The following ZNF512 variants were observed in gnomAD, a reference collection of about 807,000 sequenced individuals.
ZNF512 encodes the protein zinc finger protein 512.
A neutral mutation model predicts 77.5 loss-of-function variants in ZNF512; 25 were observed. The observed-to-expected ratio is 0.32, with a 90% CI of 0.23 to 0.45. The LOEUF (loss-of-function observed/expected upper bound fraction) is 0.45, where lower values mean the gene tolerates loss of function less well. ZNF512 is among the 20% of genes least tolerant of loss of function. The pLI is 1.00. For synonymous variants in ZNF512, 246 were observed against 239.9 expected (o/e 1.03, Z -0.24); for missense variants, 483 against 692.6 (o/e 0.70, Z 3.40).
chr2:27,616,151 A>C (rs72852155), intron 11 of ZNF512, 111 bp from the exon 12 acceptor site: 1 of 720,386 alleles, frequency 1.4e-6, no homozygotes, highest in East Asian at 2.7e-5. Context: ...TTGTGGCACA[A>C]ATTATTGGTT....
rs76965507 is a variant in ZNF512 at position 27,598,284 on chromosome 2, C to T, written c.277+30C>T. Reference sequence around the variant, plus strand: ...CAATATCAGTGTCTTATTCTGAAGACGGGCCACTTCCTAAAGTTATAGTTT... The same window carrying T: ...CAATATCAGTGTCTTATTCTGAAGATGGGCCACTTCCTAAAGTTATAGTTT... On this transcript the variant is annotated intron_variant, in intron 3 of 13. Transcript: ENST00000355467. The T allele has an allele frequency of 1.4e-3, 2,166 of 1,577,738 alleles. 32 individuals carry two copies. The African/African-American group carries it at 0.026, about 19-fold the overall frequency.
At chr2:27,601,087 T>C (rs1672097584) in intron 6 of ZNF512, among the ~76,000 whole-genome samples, 2 of 152,192 alleles carry the variant, frequency 1.3e-5, no homozygotes, top group African/African-American at 4.8e-5. Context: ...ATGTAGTCCA[T>C]GAGAGGATAA....
chr2:27,610,403 A>G (rs1672564418), intron 10 of ZNF512, among the ~76,000 whole-genome samples: 1 of 148,278 alleles, frequency 6.7e-6, no homozygotes, highest in Non-Finnish European at 1.5e-5. Flanking sequence ...TTGTTAACTC[A>G]TTGATAAAGT....
intron 2 of ZNF512, among the ~76,000 whole-genome samples, chr2:27,595,501 AT>A (rs1279100587): frequency 1.3e-5 from 2 of 151,660 alleles, no homozygotes; most frequent in East Asian, 3.9e-4. Flanking sequence ...ATTCTTTTGT[AT>A]TTTTAGTAGA....
Position 27,594,414 on chromosome 2 carries a change from C to T in ZNF512, c.90-3653C>T, listed in dbSNP as rs367640486. On this transcript the variant is annotated intron_variant, in intron 2 of 13. Coordinates refer to ENST00000355467, the MANE Select transcript of ZNF512 (RefSeq NM_032434.4). Reference sequence around the variant, plus strand: ...GCAGAGACGCTCCTCACCTCCCAGACGGGGTGGCGGCTGGGCAGAGACGCT... The same window carrying T: ...GCAGAGACGCTCCTCACCTCCCAGATGGGGTGGCGGCTGGGCAGAGACGCT... Among the ~76,000 whole-genome samples the T allele has an allele frequency of 4.1e-4, 52 of 127,394 alleles. No homozygotes were observed. In the East Asian group the frequency reaches 7.4e-3, roughly 18 times the overall value. 83.6% of individuals were successfully genotyped at this position (127,394 alleles called of 152,430 possible).
At chr2:27,591,875 G>C (rs1179965744) in intron 2 of ZNF512, among the ~76,000 whole-genome samples, 1 of 152,074 alleles carries the variant, frequency 6.6e-6, no homozygotes, top group Non-Finnish European at 1.5e-5. Flanking sequence ...TGGCATTCTT[G>C]GTTTCTGTTG....
chr2:27,618,654 T>C (rs1322989105), intron 13 of ZNF512, among the ~76,000 whole-genome samples: 5 of 152,216 alleles, frequency 3.3e-5, no homozygotes, highest in Non-Finnish European at 7.4e-5. Flanking sequence ...TAAATTTGAT[T>C]GTTCATTGAA....
rs1671194502 is a variant in ZNF512, at chr2:27,583,319, C to T, written c.30+177C>T. On this transcript the variant is annotated intron_variant, in intron 1 of 13. Coordinates refer to ENST00000355467, the MANE Select transcript of ZNF512 (RefSeq NM_032434.4). ...TTACCCACGTTCTGCTGCCTGTTCC[C>T]CACCTCCTTGGATTTAATTCCTCGC... The T allele has an allele frequency of 3.9e-6, 5 of 1,267,152 alleles. No individual in the cohort carries two copies. In the East Asian group the frequency reaches 7.2e-5, roughly 18 times the overall value. The allele number at this position is 1,267,152 out of a possible 1,614,324, so 78.5% of individuals were successfully genotyped here. A position where few individuals can be genotyped will look rare whatever the true frequency, so the allele number is the denominator to read the frequency against.
intron 10 of ZNF512, among the ~76,000 whole-genome samples, chr2:27,608,723 A>G (rs1237416113): frequency 1.3e-5 from 2 of 152,144 alleles, no homozygotes; most frequent in African/African-American, 4.8e-5. Flanking sequence ...AATAAGAAGT[A>G]AGAGAGGAGC....
rs367754306 is a variant in ZNF512 at position 27,603,337 on chromosome 2, G to A, written c.936+30G>A. ...GTACTGATTCCTTTCTATACCCTGCGTGGGGATGTATTTCGTGGTGAGTCC... is the reference window on the plus strand; with the variant it reads ...GTACTGATTCCTTTCTATACCCTGCATGGGGATGTATTTCGTGGTGAGTCC... On this transcript the variant is annotated intron_variant, in intron 9 of 13. Transcript: ENST00000355467. 22 of 1,608,656 alleles carry A rather than the reference G, an allele frequency of 1.4e-5. 1 individual carries two copies. Among genetic ancestry groups the A allele is most frequent in the African/African-American group, 1.3e-4 (10 of 74,790 alleles).
intron 2 of ZNF512, among the ~76,000 whole-genome samples, chr2:27,596,473 T>G (rs562935721): frequency 6.6e-6 from 1 of 152,308 alleles, no homozygotes; most frequent in Admixed American, 6.5e-5. Context: ...TTTTCCTGAT[T>G]TACCTGGTAA....
intron 2 of ZNF512, among the ~76,000 whole-genome samples, chr2:27,585,749 T>A (rs1426733011): frequency 6.6e-6 from 1 of 152,174 alleles, no homozygotes; most frequent in African/African-American, 2.4e-5. Flanking sequence ...AGGCTAAACT[T>A]TTTATGTTTG....
chr2:27,602,769 C>T (rs1314375015), intron 8 of ZNF512, among the ~76,000 whole-genome samples: 2 of 152,070 alleles, frequency 1.3e-5, no homozygotes. Context: ...GGTTTCCTTA[C>T]CATCCTTTTT....
chr2:27,583,222 A>G (rs1253647477), intron 1 of ZNF512, 80 bp downstream of exon 1: 39 of 1,602,784 alleles, frequency 2.4e-5, no homozygotes, highest in Middle Eastern at 3.3e-4. Flanking sequence ...CTTTTGTCCC[A>G]TGCTGAGTTG....
At chr2:27,620,712 C>T (rs1673084386) in intron 13 of ZNF512, among the ~76,000 whole-genome samples, 1 of 152,084 alleles carries the variant, frequency 6.6e-6, no homozygotes, top group South Asian at 2.1e-4. Flanking sequence ...AAGTGAGCCT[C>T]GAAAATGTTA....
At chr2:27,583,283 T>A in intron 1 of ZNF512, 141 bp downstream of exon 1, 1 of 1,362,590 alleles carries the variant, frequency 7.3e-7, no homozygotes, top group Non-Finnish European at 1.0e-6. Context: ...AGATCACCTG[T>A]CCCTTTTTCT....
At chr2:27,597,206 T>A (rs1221086718) in intron 2 of ZNF512, among the ~76,000 whole-genome samples, 1 of 152,246 alleles carries the variant, frequency 6.6e-6, no homozygotes, top group Non-Finnish European at 1.5e-5. Flanking sequence ...AAGTGTTACC[T>A]TGAATCTGCC....
intron 2 of ZNF512, among the ~76,000 whole-genome samples, chr2:27,587,301 G>A (rs1317553332): frequency 7.2e-6 from 1 of 139,604 alleles, no homozygotes; most frequent in Admixed American, 7.6e-5. Flanking sequence ...TTTTGAGACA[G>A]TGTCTCCCTC....
rs971157097 is a variant in ZNF512, at chr2:27,617,329, A to G, written c.1297-144A>G. The G allele has an allele frequency of 1.2e-5, 7 of 603,212 alleles. No individual in the cohort carries two copies. In the East Asian group the frequency reaches 1.9e-4, roughly 17 times the overall value. 37.4% of individuals were successfully genotyped at this position (603,212 alleles called of 1,614,324 possible). On this transcript the variant is annotated intron_variant, in intron 12 of 13. Coordinates refer to ENST00000355467, the MANE Select transcript of ZNF512 (RefSeq NM_032434.4). ...TCATCCATCCAAGCTGGTTTTCCTA[A>G]ATCTATTACTATATTGGATCTTTTT...
Sources: gnomAD v4.1 joint callset for allele counts (sites outside exome capture counted in the v4.1 genomes callset) on GRCh38, gnomAD v4.1.1 for gene constraint, MANE v1.5 for transcripts, NCBI Gene and HGNC (gene_info 2026-07-23, HGNC 2026-07-21) for gene names.